Variants in CNOT4 observed in about 807,000 individuals in gnomAD.
The protein encoded by CNOT4 is CCR4-NOT transcription complex subunit 4, also known as CCR4-associated factor 4.
Under a neutral mutation model 73.8 loss-of-function variants are expected in CNOT4, and 8 were observed. The ratio of observed to expected loss-of-function variants is 0.11; its 90% CI spans 0.06 to 0.20. CNOT4 has a LOEUF of 0.20. Ranked by LOEUF, CNOT4 falls within the 10% of genes least tolerant of loss-of-function variation. The pLI, the probability that CNOT4 is intolerant of heterozygous loss-of-function variation, is 1.00. For synonymous variants in CNOT4, 293 were observed against 321.1 expected (o/e 0.91, Z 0.94); for missense variants, 564 against 883.4 (o/e 0.64, Z 4.58).
chr7:135,504,454 T>A (rs1265488955), intron 1 of CNOT4, among the ~76,000 whole-genome samples: 2 of 132,098 alleles, frequency 1.5e-5, no homozygotes, highest in African/African-American at 2.9e-5. Flanking sequence ...TGCCACCACA[T>A]CCGGCTAATT....
At chr7:135,429,714 T>G (rs997507347) in intron 2 of CNOT4, among the ~76,000 whole-genome samples, 1 of 152,202 alleles carries the variant, frequency 6.6e-6, no homozygotes, top group African/African-American at 2.4e-5. Flanking sequence ...CATAAACAAC[T>G]GCAGAACTAG....
chr7:135,425,084 C>G (rs1179014380), intron 2 of CNOT4, among the ~76,000 whole-genome samples: 2 of 152,086 alleles, frequency 1.3e-5, no homozygotes, highest in Non-Finnish European at 2.9e-5. Flanking sequence ...TCAATGTAGT[C>G]GAACATATGA....
chr7:135,416,377 G>A (rs917756049), intron 3 of CNOT4, among the ~76,000 whole-genome samples: 1 of 152,096 alleles, frequency 6.6e-6, no homozygotes. Context: ...TTAGGTGCTT[G>A]TAAGTATAAG....
intron 1 of CNOT4, among the ~76,000 whole-genome samples, chr7:135,495,700 AAGAAAGAAAGAAAGAAAG>A: frequency 2.5e-5 from 1 of 39,608 alleles, no homozygotes; most frequent in Non-Finnish European, 5.9e-5. Context: ...AAAAGAAAGA[AAGAAAGAAAGAAAGAAAG>A]AAAGAAAGAA....
chr7:135,392,945 C>T (rs1796478421), intron 10 of CNOT4, among the ~76,000 whole-genome samples: 1 of 152,122 alleles, frequency 6.6e-6, no homozygotes, highest in Admixed American at 6.6e-5. Context: ...AATACTGTGC[C>T]ATGCCATATC....
intron 1 of CNOT4, among the ~76,000 whole-genome samples, chr7:135,480,311 T>C (rs1000263344): frequency 2.0e-5 from 3 of 152,232 alleles, no homozygotes; most frequent in African/African-American, 7.2e-5. Context: ...CTCTCCTCCA[T>C]TCTCTAAATC....
chr7:135,404,498 C>T (rs1441822730), intron 7 of CNOT4, among the ~76,000 whole-genome samples: 1 of 152,156 alleles, frequency 6.6e-6, no homozygotes, highest in Non-Finnish European at 1.5e-5. Flanking sequence ...TCAGTGTTCA[C>T]AAATATCCTG....
intron 7 of CNOT4, among the ~76,000 whole-genome samples, chr7:135,404,060 C>A (rs1797147612): frequency 6.6e-6 from 1 of 152,142 alleles, no homozygotes; most frequent in Non-Finnish European, 1.5e-5. Flanking sequence ...GTTCTAACTT[C>A]TTTTTTGACC....
At chr7:135,486,612 T>C (rs1041838472) in intron 1 of CNOT4, among the ~76,000 whole-genome samples, 7 of 152,236 alleles carry the variant, frequency 4.6e-5, no homozygotes, top group South Asian at 2.1e-4. Flanking sequence ...CAAATGTTCA[T>C]AACAGCTTTT....
intron 8 of CNOT4, 56 bp downstream of exon 8, chr7:135,398,113 T>C (rs887930743): frequency 3.2e-5 from 30 of 927,310 alleles, no homozygotes; most frequent in Non-Finnish European, 5.1e-5. Flanking sequence ...CTGCATGGAA[T>C]ACCTTGCTTT....
chr7:135,416,804 A>AC (rs1797899676), intron 3 of CNOT4, among the ~76,000 whole-genome samples: 1 of 152,152 alleles, frequency 6.6e-6, no homozygotes, highest in Admixed American at 6.6e-5. Context: ...GAGACTGTTA[A>AC]AGTGACTGGG....
intron 1 of CNOT4, among the ~76,000 whole-genome samples, chr7:135,507,908 C>T (rs1349476537): frequency 6.6e-6 from 1 of 152,094 alleles, no homozygotes; most frequent in Non-Finnish European, 1.5e-5. Flanking sequence ...AAATTGCTTG[C>T]AGTTCTAAGA....
intron 7 of CNOT4, among the ~76,000 whole-genome samples, chr7:135,410,212 T>C (rs1797519299): frequency 6.6e-6 from 1 of 152,122 alleles, no homozygotes; most frequent in Non-Finnish European, 1.5e-5. Context: ...CAGAGCCTTT[T>C]AAAACCTAAA....
intron 1 of CNOT4, chr7:135,444,422 T>A: frequency 1.3e-6 from 1 of 746,986 alleles, no homozygotes; most frequent in Non-Finnish European, 2.5e-6. Flanking sequence ...CATGGAATAT[T>A]AGAATATATT....
chr7:135,386,426 A>C (rs1206457973), intron 10 of CNOT4: 1 of 152,138 alleles, frequency 6.6e-6, no homozygotes, highest in Non-Finnish European at 1.5e-5. Flanking sequence ...AACAAAAAAA[A>C]CCTGAAGCTT....
chr7:135,444,756 C>G, intron 1 of CNOT4: 1 of 1,482,104 alleles, frequency 6.7e-7, no homozygotes, highest in Non-Finnish European at 9.4e-7. Flanking sequence ...CCTCACTCTT[C>G]ATGGTCACTG....
At chr7:135,433,217 C>T (rs2129485098) in intron 2 of CNOT4, among the ~76,000 whole-genome samples, 1 of 152,172 alleles carries the variant, frequency 6.6e-6, no homozygotes, top group South Asian at 2.1e-4. Context: ...ATCTCTTTTG[C>T]TTTTTGTTTC....
chr7:135,428,534 A>T (rs111246313), intron 2 of CNOT4, among the ~76,000 whole-genome samples: 5 of 152,204 alleles, frequency 3.3e-5, no homozygotes, highest in African/African-American at 1.2e-4. Flanking sequence ...AAGAGCAAAC[A>T]TTACTTCTAG....
intron 10 of CNOT4, among the ~76,000 whole-genome samples, chr7:135,383,723 T>C (rs1188954814): frequency 2.0e-5 from 3 of 152,238 alleles, no homozygotes; most frequent in South Asian, 2.1e-4. Flanking sequence ...TGAGTGGTTA[T>C]CACAGTGACC....
Sources: allele counts gnomAD v4.1 joint callset (sites outside exome capture counted in the v4.1 genomes callset), GRCh38; gene constraint gnomAD v4.1.1; transcripts MANE v1.5; gene names NCBI Gene and HGNC (gene_info 2026-07-23, HGNC 2026-07-21).